CDKAL1: variants seen among roughly 807,000 people sequenced by gnomAD.
CDKAL1 encodes the protein CDKAL1 threonylcarbamoyladenosine tRNA methylthiotransferase.
Under a neutral mutation model 68.2 loss-of-function variants are expected in CDKAL1, and 32 were observed. The ratio of observed to expected loss-of-function variants is 0.47; its 90% CI spans 0.35 to 0.63. The LOEUF (loss-of-function observed/expected upper bound fraction) is 0.63, where lower values mean the gene tolerates loss of function less well. Ranked by LOEUF, CDKAL1 falls within the 30% of genes least tolerant of loss-of-function variation. The pLI is 0.00. For missense variants in CDKAL1, 606 were observed against 696.7 expected (o/e 0.87, Z 1.47); for synonymous variants, 234 against 244.3 (o/e 0.96, Z 0.39).
chr6:20,707,651 C>T (rs1771663085), intron 5 of CDKAL1, among the ~76,000 whole-genome samples: 1 of 152,166 alleles, frequency 6.6e-6, no homozygotes. Flanking sequence ...ATTTTACTTA[C>T]AAGGCATAGC....
At chr6:21,058,871 G>GT (rs1187502236) in intron 11 of CDKAL1, among the ~76,000 whole-genome samples, 1 of 152,142 alleles carries the variant, frequency 6.6e-6, no homozygotes, top group Non-Finnish European at 1.5e-5. Context: ...TGTTGTGGGG[G>GT]TCTCACCTAG....
intron 8 of CDKAL1, among the ~76,000 whole-genome samples, chr6:20,833,560 A>C (rs923668014): frequency 6.6e-6 from 1 of 152,086 alleles, no homozygotes; most frequent in Non-Finnish European, 1.5e-5. Context: ...TGTAACTAAA[A>C]AGTAACTCAC....
intron 12 of CDKAL1, among the ~76,000 whole-genome samples, chr6:21,070,205 T>C (rs1345771088): frequency 2.0e-5 from 3 of 152,180 alleles, no homozygotes; most frequent in Non-Finnish European, 4.4e-5. Context: ...TATTTTTCCC[T>C]TTTCCTGAAA....
chr6:20,555,542 A>G (rs909445258), intron 4 of CDKAL1, among the ~76,000 whole-genome samples: 10 of 150,890 alleles, frequency 6.6e-5, no homozygotes, highest in African/African-American at 2.4e-4. Flanking sequence ...GCTGGTCTCA[A>G]ACTCCTTACC....
At chr6:21,117,515 C>G (rs562764857) in intron 13 of CDKAL1, among the ~76,000 whole-genome samples, 2 of 151,308 alleles carry the variant, frequency 1.3e-5, no homozygotes, top group Non-Finnish European at 2.9e-5. Context: ...TGGTGGTGGG[C>G]GCCTGTAGCT....
chr6:20,644,934 A>G (rs780451100), intron 4 of CDKAL1, among the ~76,000 whole-genome samples: 5 of 152,180 alleles, frequency 3.3e-5, no homozygotes, highest in Non-Finnish European at 5.9e-5. Flanking sequence ...ACAAACCTAG[A>G]TTGTACAGCC....
chr6:20,943,328 C>T (rs1207897374), intron 9 of CDKAL1, among the ~76,000 whole-genome samples: 5 of 51,030 alleles, frequency 9.8e-5, no homozygotes, highest in African/African-American at 2.2e-4. Context: ...CTTGTTTTTT[C>T]AAAAAAAAAA....
chr6:21,143,271 C>T (rs1381682222), intron 13 of CDKAL1, among the ~76,000 whole-genome samples: 1 of 152,206 alleles, frequency 6.6e-6, no homozygotes, highest in Non-Finnish European at 1.5e-5. Flanking sequence ...GAAACACACA[C>T]AGTAACAAAT....
intron 11 of CDKAL1, among the ~76,000 whole-genome samples, chr6:21,013,452 C>T (rs956894889): frequency 6.6e-6 from 1 of 152,044 alleles, no homozygotes; most frequent in Non-Finnish European, 1.5e-5. Flanking sequence ...GCATACACTC[C>T]ATAATAATCG....
intron 12 of CDKAL1, among the ~76,000 whole-genome samples, chr6:21,073,357 C>A (rs9460594): frequency 2.0e-5 from 3 of 151,968 alleles, no homozygotes; most frequent in African/African-American, 7.3e-5. Context: ...AGCGTGATTG[C>A]TGAATTGTAT....
chr6:20,940,411 C>T, intron 9 of CDKAL1, among the ~76,000 whole-genome samples: 1 of 151,758 alleles, frequency 6.6e-6, no homozygotes, highest in Non-Finnish European at 1.5e-5. Context: ...CAGTGCTGCC[C>T]AGTAGAAATA....
chr6:20,876,219 A>G (rs1030429059), intron 9 of CDKAL1, among the ~76,000 whole-genome samples: 8 of 152,236 alleles, frequency 5.3e-5, no homozygotes, highest in Non-Finnish European at 8.8e-5. Context: ...AAGAACCTGT[A>G]GTTTAAAACT....
intron 9 of CDKAL1, among the ~76,000 whole-genome samples, chr6:20,881,654 G>C (rs1221461182): frequency 6.6e-6 from 1 of 151,886 alleles, no homozygotes; most frequent in Non-Finnish European, 1.5e-5. Context: ...TTTCCTCTTT[G>C]AGCGATTCCT....
chr6:20,665,755 T>G (rs1443649629), intron 5 of CDKAL1, among the ~76,000 whole-genome samples: 1 of 152,092 alleles, frequency 6.6e-6, no homozygotes, highest in African/African-American at 2.4e-5. Flanking sequence ...TGAAACAATT[T>G]TATTCCAGGA....
chr6:20,658,551 T>C (rs904325050), intron 5 of CDKAL1, among the ~76,000 whole-genome samples: 2 of 136,752 alleles, frequency 1.5e-5, no homozygotes, highest in African/African-American at 3.1e-5. Flanking sequence ...TTGTTATTCC[T>C]ATTATGAAAA....
intron 5 of CDKAL1, among the ~76,000 whole-genome samples, chr6:20,654,109 C>A (rs1210391895): frequency 2.0e-5 from 3 of 151,588 alleles, no homozygotes; most frequent in African/African-American, 7.3e-5. Flanking sequence ...TCTCGAACTT[C>A]TGACCTCAAG....
chr6:20,729,225 C>T (rs1211960829), intron 5 of CDKAL1, among the ~76,000 whole-genome samples: 1 of 152,200 alleles, frequency 6.6e-6, no homozygotes, highest in Non-Finnish European at 1.5e-5. Flanking sequence ...CTCTTTATGA[C>T]ATCTGTCCCC....
intron 4 of CDKAL1, among the ~76,000 whole-genome samples, chr6:20,578,370 C>T (rs1765000216): frequency 1.3e-5 from 2 of 152,100 alleles, no homozygotes; most frequent in Admixed American, 1.3e-4. Flanking sequence ...CCCTCTGCAG[C>T]AGCCACTTTC....
At chr6:20,646,965 G>A (rs1461162761) in intron 4 of CDKAL1, among the ~76,000 whole-genome samples, 3 of 152,040 alleles carry the variant, frequency 2.0e-5, no homozygotes, top group Non-Finnish European at 2.9e-5. Context: ...GGCTGGTCTC[G>A]AACTCCTAAC....
Sources: allele counts gnomAD v4.1 joint callset (sites outside exome capture counted in the v4.1 genomes callset), GRCh38; gene constraint gnomAD v4.1.1; transcripts MANE v1.5; gene names NCBI Gene and HGNC (gene_info 2026-07-23, HGNC 2026-07-21).